Variants in FHIT observed in about 807,000 individuals in gnomAD.
The protein encoded by FHIT is bis(5'-adenosyl)-triphosphatase.
Under a neutral mutation model 17.9 loss-of-function variants are expected in FHIT, and 19 were observed. The ratio of observed to expected loss-of-function variants is 1.06; its 90% CI spans 0.74 to 1.56. FHIT has a LOEUF of 1.56. FHIT is among the 40% of genes most tolerant of loss of function. The pLI is 0.00. For synonymous variants in FHIT, 81 were observed against 69.7 expected, an observed-to-expected ratio of 1.16 and a Z score of -0.81; for missense variants, 248 against 189.2, an observed-to-expected ratio of 1.31 and a Z score of -1.82.
At chr3:60,018,007 T>C (rs1700409680) in intron 5 of FHIT, among the ~76,000 whole-genome samples, 1 of 152,194 alleles carries the variant, frequency 6.6e-6, no homozygotes, top group African/African-American at 2.4e-5. Flanking sequence ...TTTGTGTTGT[T>C]ATAAAAGAAC....
At chr3:59,947,276 T>C (rs1054412749) in intron 7 of FHIT, among the ~76,000 whole-genome samples, 3 of 152,252 alleles carry the variant, frequency 2.0e-5, no homozygotes, top group Non-Finnish European at 4.4e-5. Flanking sequence ...CCACTTCTTG[T>C]ACGTTTTCTA....
intron 3 of FHIT, among the ~76,000 whole-genome samples, chr3:60,857,494 A>C (rs2106941643): frequency 6.6e-6 from 1 of 152,342 alleles, no homozygotes; most frequent in Non-Finnish European, 1.5e-5. Flanking sequence ...TAATGACAAA[A>C]GCTTTTCAAT....
chr3:59,776,643 T>C (rs1228761734), intron 8 of FHIT, among the ~76,000 whole-genome samples: 1 of 152,138 alleles, frequency 6.6e-6, no homozygotes, highest in Non-Finnish European at 1.5e-5. Context: ...TACTCTTGAC[T>C]CCCTACAGTC....
chr3:60,576,680 AT>A (rs1553657724), intron 4 of FHIT, among the ~76,000 whole-genome samples: 1 of 152,144 alleles, frequency 6.6e-6, no homozygotes, highest in Non-Finnish European at 1.5e-5. Context: ...AGATGTTATT[AT>A]TTCCAAGCTA....
chr3:59,998,576 T>G (rs553590358), intron 7 of FHIT, among the ~76,000 whole-genome samples: 1 of 152,278 alleles, frequency 6.6e-6, no homozygotes, highest in South Asian at 2.1e-4. Context: ...AATTTCATTT[T>G]GAATTGATTT....
In FHIT at chr3:61,204,288, G is replaced by A. The variant is rs1431744152; in HGVS notation, c.-212-3623C>T. ...ACGTGAGAGGAATGGGGGGGCTTCTGGAATATGGTAATGATCTGTTTCTTG... is the reference window on the plus strand; with the variant it reads ...ACGTGAGAGGAATGGGGGGGCTTCTAGAATATGGTAATGATCTGTTTCTTG... On this transcript the variant is annotated intron_variant, in intron 1 of 9. Transcript: ENST00000492590. 2.6e-5 allele frequency among the ~76,000 whole-genome samples: 4 copies of A among 152,218 alleles called. No individual in the cohort carries two copies. The East Asian group carries it at 7.7e-4, about 29-fold the overall frequency.
At chr3:59,891,865 C>A (rs561652989) in intron 8 of FHIT, among the ~76,000 whole-genome samples, 20 of 152,148 alleles carry the variant, frequency 1.3e-4, no homozygotes, top group African/African-American at 4.8e-4. Flanking sequence ...TCCACATGCA[C>A]TCTGAGATTT....
intron 3 of FHIT, among the ~76,000 whole-genome samples, chr3:61,012,519 T>G (rs1037434458): frequency 6.6e-6 from 1 of 152,122 alleles, no homozygotes; most frequent in Admixed American, 6.5e-5. Flanking sequence ...TGAGAAAGAT[T>G]TCTCAATGCT....
chr3:60,038,129 G>A (rs1701297024), intron 5 of FHIT, among the ~76,000 whole-genome samples: 1 of 152,038 alleles, frequency 6.6e-6, no homozygotes, highest in Non-Finnish European at 1.5e-5. Flanking sequence ...TAGATTAGTA[G>A]GTTTTCAAGC....
At chr3:60,580,628 A>T (rs1365034857) in intron 4 of FHIT, among the ~76,000 whole-genome samples, 1 of 152,108 alleles carries the variant, frequency 6.6e-6, no homozygotes, top group Non-Finnish European at 1.5e-5. Flanking sequence ...AGGCAATATA[A>T]AATAATGTAC....
chr3:59,899,209 C>A (rs1279944823), intron 8 of FHIT, among the ~76,000 whole-genome samples: 2 of 152,162 alleles, frequency 1.3e-5, no homozygotes, highest in Non-Finnish European at 2.9e-5. Context: ...GACATTACCT[C>A]CAGGGTCACA....
intron 8 of FHIT, among the ~76,000 whole-genome samples, chr3:59,759,801 T>G (rs1376488736): frequency 6.6e-6 from 1 of 152,196 alleles, no homozygotes; most frequent in Non-Finnish European, 1.5e-5. Context: ...TGGACTTTCT[T>G]GGTGGCCCAA....
At chr3:61,189,144 T>C (rs1361044164) in intron 2 of FHIT, among the ~76,000 whole-genome samples, 3 of 152,176 alleles carry the variant, frequency 2.0e-5, no homozygotes, top group East Asian at 1.9e-4. Context: ...AGTCAAACTG[T>C]CCCTGTTTGC....
intron 7 of FHIT, among the ~76,000 whole-genome samples, chr3:59,950,457 T>A (rs1416875632): frequency 6.6e-6 from 1 of 152,216 alleles, no homozygotes; most frequent in African/African-American, 2.4e-5. Context: ...AGCCTTTCCA[T>A]GACCGATCCT....
intron 8 of FHIT, among the ~76,000 whole-genome samples, chr3:59,906,508 C>A (rs562152959): frequency 7.7e-4 from 117 of 152,276 alleles, no homozygotes; most frequent in African/African-American, 2.6e-3. Flanking sequence ...AACATTGAAA[C>A]CTATTTAGCA....
intron 5 of FHIT, among the ~76,000 whole-genome samples, chr3:60,445,745 CAA>C (rs1291621615): frequency 6.7e-6 from 1 of 150,076 alleles, no homozygotes; most frequent in Non-Finnish European, 1.5e-5. Context: ...AATTCAAAGA[CAA>C]AGACACAGAT....
intron 2 of FHIT, among the ~76,000 whole-genome samples, chr3:61,111,150 T>G (rs1451105811): frequency 1.3e-5 from 2 of 152,200 alleles, no homozygotes; most frequent in Admixed American, 6.5e-5. Context: ...TAGCTACCCC[T>G]AAAGCAGAGA....
chr3:61,073,724 T>G (rs112583359), intron 2 of FHIT, among the ~76,000 whole-genome samples: 1,587 of 152,294 alleles, frequency 0.01, 27 homozygotes, highest in African/African-American at 0.035. Flanking sequence ...GGGCTAACAG[T>G]GTCCTGCTGG....
chr3:60,712,397 T>C (rs1164431295), intron 4 of FHIT, among the ~76,000 whole-genome samples: 3 of 152,040 alleles, frequency 2.0e-5, no homozygotes, highest in Non-Finnish European at 4.4e-5. Context: ...GCTAACATCA[T>C]AATGACAGGA....
Sources: allele counts gnomAD v4.1 joint callset (sites outside exome capture counted in the v4.1 genomes callset), GRCh38; gene constraint gnomAD v4.1.1; transcripts MANE v1.5; gene names NCBI Gene and HGNC (gene_info 2026-07-23, HGNC 2026-07-21).